Variants in ENOX2 observed in about 807,000 individuals in gnomAD.
The protein encoded by ENOX2 is ecto-NOX disulfide-thiol exchanger 2.
ENOX2 carries 36 observed loss-of-function variants against 45.0 expected under a neutral mutation model. The ratio of observed to expected loss-of-function variants is 0.80; its 90% confidence interval spans 0.61 to 1.06. The LOEUF (loss-of-function observed/expected upper bound fraction) is 1.06, where lower values mean the gene tolerates loss of function less well. Ranked by LOEUF, ENOX2 falls within the 50% of genes least tolerant of loss-of-function variation. The pLI is 0.00. For synonymous variants in ENOX2, 174 were observed against 152.3 expected (o/e 1.14, Z -1.05); for missense variants, 423 against 462.5 (o/e 0.91, Z 0.78).
At chrX:130,784,007 G>A (rs1035350084) in intron 2 of ENOX2, among the ~76,000 whole-genome samples, 15 of 111,806 alleles carry the variant, frequency 1.3e-4, no homozygotes, top group Admixed American at 7.6e-4. Flanking sequence ...ACTGTTCCTT[G>A]TAAAAAGTTT....
intron 2 of ENOX2, among the ~76,000 whole-genome samples, chrX:130,878,034 C>A (rs772305973): frequency 1.8e-4 from 20 of 112,193 alleles, no homozygotes; most frequent in Non-Finnish European, 3.2e-4. Flanking sequence ...CTATAAATCC[C>A]AACCTCAGTG....
chrX:130,639,773 C>A (rs1340151927), intron 10 of ENOX2, among the ~76,000 whole-genome samples: 1 of 111,369 alleles, frequency 9.0e-6, no homozygotes, highest in Non-Finnish European at 1.9e-5. Flanking sequence ...TATTAGAGAT[C>A]AAAAACACTA....
chrX:130,778,161 T>C (rs935022483), intron 3 of ENOX2, among the ~76,000 whole-genome samples: 14 of 111,801 alleles, frequency 1.3e-4, no homozygotes, highest in African/African-American at 4.5e-4. Context: ...ATAAGTGTCA[T>C]AGAAAAGTTT....
At chrX:130,651,722 C>T (rs189065390) in intron 10 of ENOX2, among the ~76,000 whole-genome samples, 3 of 112,018 alleles carry the variant, frequency 2.7e-5, no homozygotes, top group Non-Finnish European at 5.6e-5. Flanking sequence ...CCCTTCTCCT[C>T]GTGGTCTCAT....
At chrX:130,891,416 G>A (rs1453892110) in intron 2 of ENOX2, among the ~76,000 whole-genome samples, 1 of 102,039 alleles carries the variant, frequency 9.8e-6, no homozygotes, top group Non-Finnish European at 2.0e-5. Context: ...TATAGGCTGA[G>A]CCCCTATTAC....
At chrX:130,688,622 C>T (rs1321353641) in intron 5 of ENOX2, among the ~76,000 whole-genome samples, 2 of 111,987 alleles carry the variant, frequency 1.8e-5, no homozygotes, top group African/African-American at 6.5e-5. Flanking sequence ...CACTTGAATT[C>T]CTTACCAGAT....
At chrX:130,737,456 G>GCA (rs112463994) in intron 3 of ENOX2, among the ~76,000 whole-genome samples, 4,833 of 107,167 alleles carry the variant, frequency 0.045, 142 homozygotes, top group African/African-American at 0.11. Context: ...GCGTGCGCAC[G>GCA]CACACACACA....
chrX:130,687,980 G>A (rs1209121659), intron 5 of ENOX2, among the ~76,000 whole-genome samples: 1 of 111,845 alleles, frequency 8.9e-6, no homozygotes, highest in Non-Finnish European at 1.9e-5. Flanking sequence ...GATAAGGCAA[G>A]GTCATTTGAT....
chrX:130,718,438 A>G (rs2038386342), intron 3 of ENOX2, among the ~76,000 whole-genome samples: 1 of 111,627 alleles, frequency 9.0e-6, no homozygotes, highest in African/African-American at 3.3e-5. Flanking sequence ...GAGTCACTTA[A>G]TATTTCTGGG....
intron 2 of ENOX2, among the ~76,000 whole-genome samples, chrX:130,792,853 G>C (rs1025332761): frequency 8.9e-6 from 1 of 112,567 alleles, no homozygotes; most frequent in Non-Finnish European, 1.9e-5. Flanking sequence ...AAGTTCAGTT[G>C]CTCAGTTGCA....
intron 3 of ENOX2, among the ~76,000 whole-genome samples, chrX:130,735,080 G>T (rs1392501434): frequency 8.9e-6 from 1 of 112,385 alleles, no homozygotes; most frequent in Non-Finnish European, 1.9e-5. Flanking sequence ...CACCACCTCT[G>T]TGCTCATTTT....
Position 130,699,040 on chromosome X carries a change from G to A in ENOX2, c.97+4080C>T, listed in dbSNP as rs766957171. On this transcript the variant is annotated intron_variant, in intron 4 of 14. Transcript: ENST00000394363. ...GGATTCATCTGGAATGACTGGGGCA[G>A]AACAATGTTCTTTAACCAGAGGGCC... Among the ~76,000 whole-genome samples, 46 of 112,163 alleles carry A rather than the reference G, an allele frequency of 4.1e-4. No individual in the cohort carries two copies. The South Asian group carries it at 0.017, about 42-fold the overall frequency.
chrX:130,784,552 G>T (rs112774704), intron 2 of ENOX2, among the ~76,000 whole-genome samples: 1,566 of 109,765 alleles, frequency 0.014, 23 homozygotes, highest in African/African-American at 0.05. Flanking sequence ...CCTATCAAAG[G>T]GGGGGAAATC....
intron 2 of ENOX2, among the ~76,000 whole-genome samples, chrX:130,820,508 A>C (rs935115183): frequency 1.8e-5 from 2 of 112,530 alleles, no homozygotes; most frequent in Non-Finnish European, 3.8e-5. Flanking sequence ...AGGTATCTAC[A>C]CTTCCATGTT....
At chrX:130,833,364 G>A (rs1280101690) in intron 2 of ENOX2, among the ~76,000 whole-genome samples, 2 of 111,267 alleles carry the variant, frequency 1.8e-5, no homozygotes, top group Admixed American at 9.6e-5. Flanking sequence ...AGACAGGGTC[G>A]TTTCATTCAA....
In ENOX2 at chrX:130,808,215, GAAAATAAAC is replaced by G. The variant is rs954491224; in HGVS notation, c.-182-24534_-182-24526del. Among the ~76,000 whole-genome samples the G allele has an allele frequency of 5.3e-5, 6 of 112,320 alleles. No individual in the cohort carries two copies. In the Admixed American group the frequency reaches 5.6e-4, roughly 11 times the overall value. On this transcript the variant is annotated intron_variant, in intron 2 of 14. Transcript: ENST00000394363. Reference sequence around the variant, plus strand: ...AGCTCACATTCTAGTAGCAGACACAGAAAATAAACAAAATAAATAGGTAAAATATATAGT... The same window carrying G: ...AGCTCACATTCTAGTAGCAGACACAGAAAATAAATAGGTAAAATATATAGT...
At chrX:130,711,783 A>G (rs2038198406) in intron 3 of ENOX2, among the ~76,000 whole-genome samples, 1 of 111,541 alleles carries the variant, frequency 9.0e-6, no homozygotes, top group Admixed American at 9.5e-5. Flanking sequence ...AGGGTCCTGA[A>G]GACAGCCACC....
chrX:130,878,357 T>A (rs2078746586), intron 2 of ENOX2, among the ~76,000 whole-genome samples: 1 of 111,945 alleles, frequency 8.9e-6, no homozygotes, highest in South Asian at 3.8e-4. Context: ...TTTCCCTTCT[T>A]GTTAAATGCC....
intron 2 of ENOX2, among the ~76,000 whole-genome samples, chrX:130,893,630 T>C (rs1394097486): frequency 1.8e-5 from 2 of 112,400 alleles, no homozygotes; most frequent in Middle Eastern, 4.6e-3. Context: ...AGTATCTGAG[T>C]CAGGGAAAGA....
Sources: gnomAD v4.1 joint callset for allele counts (sites outside exome capture counted in the v4.1 genomes callset) on GRCh38, gnomAD v4.1.1 for gene constraint, MANE v1.5 for transcripts, NCBI Gene and HGNC (gene_info 2026-07-23, HGNC 2026-07-21) for gene names.